RGS7: variants seen among roughly 807,000 people sequenced by gnomAD.
The protein encoded by RGS7 is regulator of G protein signaling 7.
RGS7 carries 27 observed loss-of-function variants against 81.1 expected under a neutral mutation model. That is an observed-to-expected ratio of 0.33 (90% CI 0.25 to 0.46). RGS7 has a LOEUF of 0.46. Ranked by LOEUF, RGS7 falls within the 20% of genes least tolerant of loss-of-function variation. The pLI is 1.00. For missense variants in RGS7, 396 were observed against 607.4 expected, an observed-to-expected ratio of 0.65 and a Z score of 3.66; for synonymous variants, 208 against 207.7, an observed-to-expected ratio of 1.00 and a Z score of -0.01.
chr1:241,030,375 C>CATAT (rs10649049), intron 3 of RGS7, among the ~76,000 whole-genome samples: 1 of 97,222 alleles, frequency 1.0e-5, no homozygotes, highest in Admixed American at 1.1e-4. Flanking sequence ...TATATATATA[C>CATAT]ATACACACAT....
chr1:240,945,403 C>T (rs1678438509), intron 4 of RGS7, among the ~76,000 whole-genome samples: 1 of 152,164 alleles, frequency 6.6e-6, no homozygotes, highest in Non-Finnish European at 1.5e-5. Flanking sequence ...TCTATTTACA[C>T]ATTTTCAAAA....
At chr1:240,910,143 T>G (rs568345192) in intron 6 of RGS7, among the ~76,000 whole-genome samples, 37 of 152,318 alleles carry the variant, frequency 2.4e-4, no homozygotes, top group African/African-American at 8.9e-4. Context: ...GGAAAGAAAT[T>G]CTTTTGTGTA....
At chr1:241,346,271 G>A (rs1160338953) in intron 2 of RGS7, among the ~76,000 whole-genome samples, 1 of 144,612 alleles carries the variant, frequency 6.9e-6, no homozygotes, top group Non-Finnish European at 1.5e-5. Context: ...ATCATCCTAT[G>A]ATGAGGTGCT....
chr1:240,934,624 T>C (rs1195523198), intron 5 of RGS7, among the ~76,000 whole-genome samples: 2 of 152,154 alleles, frequency 1.3e-5, no homozygotes, highest in Non-Finnish European at 2.9e-5. Context: ...CTATTTCAAA[T>C]ATGGATGCAT....
chr1:241,038,135 A>G (rs1292922276), intron 3 of RGS7, among the ~76,000 whole-genome samples: 1 of 152,224 alleles, frequency 6.6e-6, no homozygotes, highest in African/African-American at 2.4e-5. Flanking sequence ...TAAAAAAATC[A>G]GTGTGTATTT....
intron 2 of RGS7, among the ~76,000 whole-genome samples, chr1:241,202,381 T>C (rs1360077567): frequency 1.3e-5 from 2 of 152,162 alleles, no homozygotes; most frequent in Non-Finnish European, 2.9e-5. Context: ...ACTCTGAAGG[T>C]TCACTGAAAA....
At chr1:241,106,784 GAT>G (rs1558727489) in intron 2 of RGS7, among the ~76,000 whole-genome samples, 80 of 76,670 alleles carry the variant, frequency 1.0e-3, no homozygotes, top group African/African-American at 5.7e-3. Flanking sequence ...ACACACACAC[GAT>G]AACATAACTC....
chr1:241,122,310 G>A (rs2066335542), intron 2 of RGS7, among the ~76,000 whole-genome samples: 1 of 152,134 alleles, frequency 6.6e-6, no homozygotes, highest in Admixed American at 6.5e-5. Context: ...AGATACCACA[G>A]GGTTATGTCC....
At chr1:240,779,041 G>A (rs1683483416) in intron 18 of RGS7, among the ~76,000 whole-genome samples, 1 of 152,038 alleles carries the variant, frequency 6.6e-6, no homozygotes, top group Admixed American at 6.6e-5. Flanking sequence ...AGGAGGTGGG[G>A]GCTTTGCGAA....
chr1:241,042,835 G>C (rs1415850247), intron 3 of RGS7, among the ~76,000 whole-genome samples: 4 of 152,008 alleles, frequency 2.6e-5, no homozygotes, highest in African/African-American at 9.7e-5. Context: ...AGCTACTTGG[G>C]AGGCTGAGGC....
chr1:240,977,091 TACACACACACACACACACAC>T (rs60732630), intron 4 of RGS7, among the ~76,000 whole-genome samples: 151 of 133,814 alleles, frequency 1.1e-3, no homozygotes, highest in African/African-American at 3.4e-3. Context: ...TATCCATCTG[TACACACACACACACACACAC>T]ACACACACAC....
chr1:241,314,465 T>G (rs1326760882), intron 2 of RGS7, among the ~76,000 whole-genome samples: 1 of 152,230 alleles, frequency 6.6e-6, no homozygotes, highest in Admixed American at 6.5e-5. Flanking sequence ...ATAATGTTCT[T>G]TGACACTTAT....
intron 2 of RGS7, among the ~76,000 whole-genome samples, chr1:241,309,741 A>T (rs116070171): frequency 9.2e-5 from 14 of 152,244 alleles, no homozygotes; most frequent in African/African-American, 3.4e-4. Context: ...CTGAAAATTT[A>T]GGAAAGGAAT....
intron 3 of RGS7, among the ~76,000 whole-genome samples, chr1:241,018,173 C>T (rs679037): frequency 0.088 from 12,185 of 138,238 alleles, 584 homozygotes; most frequent in Middle Eastern, 0.13. Context: ...TTAGTAGACA[C>T]GGTGTTTTAT....
intron 10 of RGS7, among the ~76,000 whole-genome samples, chr1:240,820,458 T>G (rs909253370): frequency 7.0e-6 from 1 of 142,994 alleles, no homozygotes; most frequent in African/African-American, 2.6e-5. Context: ...AATTATCCCG[T>G]TTTTTTTTTT....
At chr1:240,892,596 A>G (rs1221377152) in intron 6 of RGS7, among the ~76,000 whole-genome samples, 1 of 152,164 alleles carries the variant, frequency 6.6e-6, no homozygotes. Flanking sequence ...TTCTCCATAC[A>G]TAATAAACTG....
In RGS7 at chr1:241,355,695, T is replaced by C. The variant is rs759762568; in HGVS notation, c.78+4A>G. 1 of 1,613,548 alleles carries C rather than the reference T, an allele frequency of 6.2e-7. No homozygotes were observed. Among genetic ancestry groups the C allele is most frequent in the Admixed American group, 1.7e-5 (1 of 60,034 alleles). Reference sequence around the variant, plus strand: ...GTTTTCCAAGAAACTGAAGACATTCTTACCTTTCTGTACACCAGCATGTTG... The same window carrying C: ...GTTTTCCAAGAAACTGAAGACATTCCTACCTTTCTGTACACCAGCATGTTG... On this transcript the variant is annotated splice_donor_region_variant and intron_variant, in intron 2 of 18. Transcript: ENST00000440928.
intron 2 of RGS7, among the ~76,000 whole-genome samples, chr1:241,267,501 AC>A (rs1573431557): frequency 6.6e-6 from 1 of 152,198 alleles, no homozygotes; most frequent in East Asian, 1.9e-4. Flanking sequence ...GGGGCTGGCT[AC>A]TTGGCAGACC....
chr1:241,172,966 C>T (rs1441547211), intron 2 of RGS7, among the ~76,000 whole-genome samples: 1 of 152,146 alleles, frequency 6.6e-6, no homozygotes, highest in African/African-American at 2.4e-5. Context: ...GAGGAATTTG[C>T]TTGGCATAAC....
Sources: allele counts gnomAD v4.1 joint callset (sites outside exome capture counted in the v4.1 genomes callset), GRCh38; gene constraint gnomAD v4.1.1; transcripts MANE v1.5; gene names NCBI Gene and HGNC (gene_info 2026-07-23, HGNC 2026-07-21).